The following PTPRG variants were observed in gnomAD, a reference collection of about 807,000 sequenced individuals.
The protein encoded by PTPRG is receptor-type tyrosine-protein phosphatase gamma.
A neutral mutation model predicts 165.3 loss-of-function variants in PTPRG; 102 were observed. The observed-to-expected ratio is 0.62, with a 90% CI of 0.53 to 0.73. PTPRG has a LOEUF of 0.73. Ranked by LOEUF, PTPRG falls within the 30% of genes least tolerant of loss-of-function variation. The pLI, the probability that PTPRG is intolerant of heterozygous loss-of-function variation, is 0.00. For missense variants in PTPRG, 1,866 were observed against 1,861.4 expected (o/e 1.00, Z -0.05); for synonymous variants, 675 against 669.5 (o/e 1.01, Z -0.13).
chr3:61,971,589 T>C (rs1281224079), intron 2 of PTPRG, among the ~76,000 whole-genome samples: 5 of 152,230 alleles, frequency 3.3e-5, no homozygotes, highest in African/African-American at 9.6e-5. Context: ...AACTAGTCCA[T>C]GAGCAAGTTG....
intron 6 of PTPRG, among the ~76,000 whole-genome samples, chr3:62,134,085 C>T (rs1703617472): frequency 6.6e-6 from 1 of 152,144 alleles, no homozygotes; most frequent in African/African-American, 2.4e-5. Context: ...AAGACTCCAC[C>T]TCATGTCATA....
chr3:61,635,416 G>T (rs1043369282), intron 1 of PTPRG, among the ~76,000 whole-genome samples: 2 of 151,272 alleles, frequency 1.3e-5, no homozygotes, highest in Non-Finnish European at 2.9e-5. Flanking sequence ...GAGTGCAGCG[G>T]CATGATCTCA....
At chr3:62,282,688 A>C in intron 27 of PTPRG, 39 bp from the exon 28 acceptor site, 1 of 1,571,758 alleles carries the variant, frequency 6.4e-7, no homozygotes, top group Non-Finnish European at 8.6e-7. Context: ...GATATGTGAA[A>C]TAAAGGAAGG....
At chr3:61,722,238 C>CACACAG (rs2032081061) in intron 1 of PTPRG, among the ~76,000 whole-genome samples, 1 of 151,910 alleles carries the variant, frequency 6.6e-6, no homozygotes, top group African/African-American at 2.4e-5. Context: ...CACACACACA[C>CACACAG]ACACACATGC....
At chr3:62,025,577 A>G (rs2041786551) in intron 4 of PTPRG, among the ~76,000 whole-genome samples, 1 of 152,150 alleles carries the variant, frequency 6.6e-6, no homozygotes, top group South Asian at 2.1e-4. Flanking sequence ...AAATGTAACC[A>G]TTATGGAGTA....
At chr3:61,735,316 C>G (rs2032675916) in intron 1 of PTPRG, among the ~76,000 whole-genome samples, 1 of 152,078 alleles carries the variant, frequency 6.6e-6, no homozygotes, top group South Asian at 2.1e-4. Context: ...AAGTTAATAA[C>G]TCCTCTTCAA....
chr3:62,039,794 C>T (rs1270277204), intron 4 of PTPRG, among the ~76,000 whole-genome samples: 2 of 151,832 alleles, frequency 1.3e-5, no homozygotes, highest in African/African-American at 4.9e-5. Flanking sequence ...CAGCTGTAAA[C>T]ACTTGGCGCC....
At chr3:62,057,741 G>A (rs1229238660) in intron 4 of PTPRG, among the ~76,000 whole-genome samples, 9 of 152,212 alleles carry the variant, frequency 5.9e-5, no homozygotes, top group African/African-American at 9.6e-5. Context: ...TCCATCTGCT[G>A]TGCCGTTAAC....
intron 1 of PTPRG, among the ~76,000 whole-genome samples, chr3:61,591,573 C>T (rs903508811): frequency 3.3e-5 from 5 of 152,116 alleles, no homozygotes; most frequent in African/African-American, 1.2e-4. Flanking sequence ...AGTGGCTTCT[C>T]CTTCTCTAGG....
intron 4 of PTPRG, among the ~76,000 whole-genome samples, chr3:62,008,030 G>T (rs9825906): frequency 0.39 from 59,356 of 152,068 alleles, 11,875 homozygotes; most frequent in African/African-American, 0.48. Flanking sequence ...ACCTGTTTCA[G>T]TTCTTCTGTG....
intron 5 of PTPRG, among the ~76,000 whole-genome samples, chr3:62,103,952 C>G (rs1702383733): frequency 6.6e-6 from 1 of 152,218 alleles, no homozygotes; most frequent in African/African-American, 2.4e-5. Flanking sequence ...GATGCAGAAT[C>G]CTGTTGCAAT....
intron 1 of PTPRG, among the ~76,000 whole-genome samples, chr3:61,707,166 C>T (rs943819229): frequency 6.6e-5 from 10 of 152,134 alleles, no homozygotes; most frequent in Non-Finnish European, 1.2e-4. Flanking sequence ...TGTTCTATTA[C>T]AAATAATGCT....
intron 1 of PTPRG, among the ~76,000 whole-genome samples, chr3:61,674,146 G>A (rs1246617617): frequency 6.6e-6 from 1 of 150,900 alleles, no homozygotes; most frequent in Non-Finnish European, 1.5e-5. Context: ...AAACCTGCAC[G>A]TTCTGCACAT....
chr3:61,779,162 T>C (rs977163637), intron 2 of PTPRG, among the ~76,000 whole-genome samples: 1 of 152,198 alleles, frequency 6.6e-6, no homozygotes, highest in Non-Finnish European at 1.5e-5. Flanking sequence ...TGTTGCTCTT[T>C]TGAGATACCT....
intron 1 of PTPRG, among the ~76,000 whole-genome samples, chr3:61,670,061 C>G (rs554266536): frequency 2.0e-5 from 3 of 152,276 alleles, no homozygotes; most frequent in South Asian, 2.1e-4. Context: ...GTCTCCTTGT[C>G]TCTTTGATGG....
chr3:62,122,133 A>T (rs1240244017), intron 5 of PTPRG, among the ~76,000 whole-genome samples: 2 of 152,054 alleles, frequency 1.3e-5, no homozygotes, highest in African/African-American at 2.4e-5. Context: ...GCTATCTGTA[A>T]CCCCCCACCC....
intron 2 of PTPRG, among the ~76,000 whole-genome samples, chr3:61,804,579 A>G (rs1018027416): frequency 2.6e-5 from 4 of 152,106 alleles, no homozygotes; most frequent in Middle Eastern, 3.4e-3. Context: ...CTGTTTAAGG[A>G]TAGCATAAAA....
chr3:62,045,866 C>G (rs952404999), intron 4 of PTPRG, among the ~76,000 whole-genome samples: 2 of 152,200 alleles, frequency 1.3e-5, no homozygotes, highest in African/African-American at 4.8e-5. Flanking sequence ...GACTAGTTAT[C>G]TTTGCATGGG....
chr3:61,619,352 A>G (rs1407254033), intron 1 of PTPRG, among the ~76,000 whole-genome samples: 1 of 152,058 alleles, frequency 6.6e-6, no homozygotes, highest in Non-Finnish European at 1.5e-5. Context: ...AGTGGTTTGT[A>G]ACTGAGGGAG....
Sources: gnomAD v4.1 joint callset for allele counts (sites outside exome capture counted in the v4.1 genomes callset) on GRCh38, gnomAD v4.1.1 for gene constraint, MANE v1.5 for transcripts, NCBI Gene and HGNC (gene_info 2026-07-23, HGNC 2026-07-21) for gene names.